PDGFRA: variants seen among roughly 807,000 people sequenced by gnomAD.
The protein encoded by PDGFRA is platelet derived growth factor receptor alpha.
A neutral mutation model predicts 121.5 loss-of-function variants in PDGFRA; 25 were observed. The observed-to-expected ratio is 0.21, with a 90% confidence interval of 0.15 to 0.29. The LOEUF (loss-of-function observed/expected upper bound fraction) is 0.29, where lower values mean the gene tolerates loss of function less well. PDGFRA is among the 10% of genes least tolerant of loss of function. The probability of loss-of-function intolerance (pLI) is 1.00; values close to 1 mark genes in which losing one functional copy is unlikely to be tolerated. For synonymous variants in PDGFRA, 463 were observed against 494.8 expected (o/e 0.94, Z 0.85); for missense variants, 1,008 against 1,345.1 (o/e 0.75, Z 3.92).
chr4:54,247,295 G>A (rs1052960350), intron 1 of PDGFRA, among the ~76,000 whole-genome samples: 16 of 152,094 alleles, frequency 1.1e-4, no homozygotes, highest in East Asian at 1.9e-4. Context: ...AATATCCTTG[G>A]TGAACATTGA....
rs574040604 is a variant in PDGFRA at position 54,272,745 on chromosome 4, C to T, written c.1364+225C>T. Among the ~76,000 whole-genome samples the T allele has an allele frequency of 2.0e-5, 3 of 152,174 alleles. No individual in the cohort carries two copies. In the East Asian group the frequency reaches 5.8e-4, roughly 29 times the overall value. On this transcript the variant is annotated intron_variant, in intron 9 of 22. Coordinates refer to ENST00000257290, the MANE Select transcript of PDGFRA (RefSeq NM_006206.6). ...AAAAACAAGAGTGAATTTTAAGAAC[C>T]ACTGTTCTAAGAAGATTTTTACTAC...
Position 54,270,722 on chromosome 4 carries a change from G to C in PDGFRA, c.1211G>C (p.Ser404Thr), listed in dbSNP as rs1577719688. The C allele has an allele frequency of 6.3e-7, 1 of 1,599,994 alleles. No homozygotes were observed. Among genetic ancestry groups the C allele is most frequent in the Non-Finnish European group, 8.6e-7 (1 of 1,167,170 alleles). ...GCTCAAAATGAAGATGCTGTGAAGA[G>C]CTATACTTTTGAACTGTTAACTCAA... ...IVAQNEDAVK[S>T]YTFELLTQVP... is the part of the protein sequence containing the mutation. Residue 404 changes from serine to threonine, a missense_variant, in exon 8 of 23, where the codon AGC (serine) becomes ACC (threonine). Coordinates refer to ENST00000257290, the MANE Select transcript of PDGFRA (RefSeq NM_006206.6).
chr4:54,279,863 G>T (rs1422967707), intron 15 of PDGFRA, among the ~76,000 whole-genome samples: 1 of 151,708 alleles, frequency 6.6e-6, no homozygotes, highest in Non-Finnish European at 1.5e-5. Context: ...CATCCAGGTT[G>T]CTGCAAAAGC....
chr4:54,229,372 T>C lies in PDGFRA; in HGVS notation c.-56T>C. 1 of 398,554 alleles carries C rather than the reference T, an allele frequency of 2.5e-6. No individual in the cohort carries two copies. Among genetic ancestry groups the C allele is most frequent in the African/African-American group, 2.1e-5 (1 of 48,714 alleles). 24.7% of individuals were successfully genotyped at this position (398,554 alleles called of 1,614,324 possible). A position where few individuals can be genotyped will look rare whatever the true frequency, so the allele number is the denominator to read the frequency against. On this transcript the variant is annotated 5_prime_UTR_variant, in exon 1 of 23. Coordinates refer to ENST00000257290, the MANE Select transcript of PDGFRA (RefSeq NM_006206.6). Reference sequence around the variant, plus strand: ...TGGAGGCCGTGGGCACGCTCTTTACTCCATGTGTGGGACATTCATTGCGGA... The same window carrying C: ...TGGAGGCCGTGGGCACGCTCTTTACCCCATGTGTGGGACATTCATTGCGGA...
intron 18 of PDGFRA, among the ~76,000 whole-genome samples, chr4:54,286,388 C>T (rs1486672810): frequency 6.6e-6 from 1 of 151,608 alleles, no homozygotes; most frequent in Non-Finnish European, 1.5e-5. Context: ...CAGAGTCTCA[C>T]TCTGTCACCC....
Position 54,272,479 on chromosome 4 carries a change from G to A in PDGFRA, c.1323G>A (p.Pro441=), listed in dbSNP as rs760740153. The change falls in exon 9 of 23, where the codon CCG becomes CCA. Residue 441 remains proline, a synonymous_variant. Transcript: ENST00000257290. ...QTVRCTAEGT[P]LPDIEWMICK... ...TGAGGTGCACAGCTGAAGGCACGCC[G>A]CTTCCTGATATTGAGTGGATGATAT... is the stretch of plus-strand genomic sequence containing the variant. The A allele has an allele frequency of 4.6e-5, 74 of 1,613,818 alleles. 2 individuals are homozygous for A. In the East Asian group the frequency reaches 5.8e-4, roughly 13 times the overall value.
intron 18 of PDGFRA, among the ~76,000 whole-genome samples, chr4:54,286,378 C>G (rs993739092): frequency 1.3e-5 from 2 of 149,984 alleles, no homozygotes; most frequent in Non-Finnish European, 3.0e-5. Context: ...TTTTTTGAGA[C>G]AGAGTCTCAC....
rs373245865 is a variant in PDGFRA at position 54,254,769 on chromosome 4, T to C, written c.-12-3988T>C. Among the ~76,000 whole-genome samples the C allele has an allele frequency of 7.2e-5, 11 of 152,304 alleles. No individual in the cohort carries two copies. The East Asian group carries it at 1.9e-3, about 27-fold the overall frequency. On this transcript the variant is annotated intron_variant, in intron 1 of 22. Transcript: ENST00000257290. Reference sequence around the variant, plus strand: ...GGTAAATCAGGCTGGCCAGCCTGGCTCTGGATCCCACTGTGCCTAACACCA... The same window carrying C: ...GGTAAATCAGGCTGGCCAGCCTGGCCCTGGATCCCACTGTGCCTAACACCA...
intron 1 of PDGFRA, among the ~76,000 whole-genome samples, chr4:54,238,695 G>A (rs1024783872): frequency 1.5e-4 from 23 of 152,208 alleles, no homozygotes; most frequent in Non-Finnish European, 1.8e-4. Flanking sequence ...GCCAGGTTTG[G>A]TGGCTCATTC....
chr4:54,271,221 C>G (rs1230307652), intron 8 of PDGFRA, among the ~76,000 whole-genome samples: 2 of 152,146 alleles, frequency 1.3e-5, no homozygotes, highest in Non-Finnish European at 2.9e-5. Context: ...GTGGTCCTTA[C>G]CAGAAGGGAG....
intron 19 of PDGFRA, 125 bp downstream of exon 19, chr4:54,287,666 A>G: frequency 1.4e-6 from 1 of 718,034 alleles, no homozygotes; most frequent in Middle Eastern, 2.3e-4. Flanking sequence ...AGTATGCTGC[A>G]GCCACCTCAA....
intron 1 of PDGFRA, among the ~76,000 whole-genome samples, chr4:54,241,193 G>A (rs1014986373): frequency 5.3e-5 from 8 of 151,818 alleles, no homozygotes; most frequent in Admixed American, 5.3e-4. Context: ...TTATATGTGG[G>A]GTTTAAAATA....
chr4:54,247,009 A>G (rs1721717199), intron 1 of PDGFRA, among the ~76,000 whole-genome samples: 1 of 152,240 alleles, frequency 6.6e-6, no homozygotes, highest in African/African-American at 2.4e-5. Context: ...CCCTCCCAAG[A>G]CTAAACCAGG....
intron 2 of PDGFRA, among the ~76,000 whole-genome samples, chr4:54,260,417 T>G (rs1235105256): frequency 6.3e-5 from 9 of 142,640 alleles, no homozygotes; most frequent in South Asian, 4.7e-4. Flanking sequence ...TTTTTTTTTT[T>G]TTTTTTTTTG....
chr4:54,261,652 G>A (rs1437796046), intron 3 of PDGFRA, among the ~76,000 whole-genome samples: 1 of 151,722 alleles, frequency 6.6e-6, no homozygotes, highest in Non-Finnish European at 1.5e-5. Context: ...TATTGATACT[G>A]TATAAACAAT....
At chr4:54,280,263 A>G in intron 15 of PDGFRA, 53 bp from the exon 16 acceptor site, 1 of 1,005,574 alleles carries the variant, frequency 9.9e-7, no homozygotes, top group Non-Finnish European at 1.5e-6. Context: ...TGAAAGTGGA[A>G]TGACCACTTC....
At chr4:54,278,831 A>T (rs1470177893) in intron 15 of PDGFRA, 3 of 510,118 alleles carry the variant, frequency 5.9e-6, no homozygotes, top group African/African-American at 5.7e-5. Flanking sequence ...CTGGCCAGGG[A>T]TGCTTGAGTT....
chr4:54,285,026 T>A (rs1724266705), intron 16 of PDGFRA, among the ~76,000 whole-genome samples: 1 of 151,932 alleles, frequency 6.6e-6, no homozygotes, highest in African/African-American at 2.4e-5. Context: ...CCTGAGTAGC[T>A]GGGATTACAG....
chr4:54,285,617 C>T, intron 17 of PDGFRA, 131 bp downstream of exon 17: 1 of 736,406 alleles, frequency 1.4e-6, no homozygotes, highest in South Asian at 1.4e-5. Context: ...CTCTCTCCTT[C>T]ATCCCCTACG....
Sources: gnomAD v4.1 joint callset for allele counts (sites outside exome capture counted in the v4.1 genomes callset) on GRCh38, gnomAD v4.1.1 for gene constraint, MANE v1.5 for transcripts, NCBI Gene and HGNC (gene_info 2026-07-23, HGNC 2026-07-21) for gene names.